The following ZNF462 variants were observed in gnomAD, a reference collection of about 807,000 sequenced individuals.
The protein encoded by ZNF462 is zinc finger protein 462.
A neutral mutation model predicts 201.9 loss-of-function variants in ZNF462; 10 were observed. The ratio of observed to expected loss-of-function variants is 0.05; its 90% CI spans 0.03 to 0.08. ZNF462 has a LOEUF of 0.08. Ranked by LOEUF, ZNF462 falls within the 10% of genes least tolerant of loss-of-function variation. ZNF462 has a pLI of 1.00. For synonymous variants in ZNF462, 1,227 were observed against 1,193.3 expected (o/e 1.03, Z -0.58); for missense variants, 2,523 against 3,168.3 (o/e 0.80, Z 4.89).
chr9:106,927,604 C>T lies in ZNF462; in HGVS notation c.3692C>T (p.Ala1231Val). 2 of 1,613,918 alleles carry T rather than the reference C, an allele frequency of 1.2e-6. No homozygotes were observed. The highest frequency in any genetic ancestry group is 1.1e-5 in the South Asian group (1 of 91,060). The change falls in exon 3 of 13, where the codon GCC (alanine) becomes GTC (valine). Residue 1231 changes from alanine (A) to valine (V), a missense_variant. Transcript: ENST00000277225. The part of the protein sequence containing the change: ...ANADVIRQHT[A>V]TIRSLCDRNQ... Reference sequence around the variant, plus strand: ...GCAGATGTGATCCGGCAGCATACGGCCACCATTCGAAGCCTCTGCGACCGA... The same window carrying T: ...GCAGATGTGATCCGGCAGCATACGGTCACCATTCGAAGCCTCTGCGACCGA...
rs759818332 is a variant in ZNF462 at position 106,962,039 on chromosome 9, G to A, written c.6428-9966G>A. On this transcript the variant is annotated intron_variant, in intron 7 of 12. Transcript: ENST00000277225. The surrounding 1 kb of genome is among the most constrained non-coding windows in gnomAD (Gnocchi z 4.6). ...GGCCTGGAAAGATGAAGGAGAGTGT[G>A]AGCCCCATGGTTCAGAGTTTGGGCT... Among the ~76,000 whole-genome samples, 4 of 151,982 alleles carry A rather than the reference G, an allele frequency of 2.6e-5. No homozygotes were observed. The highest frequency in any genetic ancestry group is 4.8e-5 in the African/African-American group (2 of 41,388).
intron 10 of ZNF462, among the ~76,000 whole-genome samples, chr9:106,992,201 A>C (rs1828338638): frequency 6.6e-6 from 1 of 152,126 alleles, no homozygotes; most frequent in African/African-American, 2.4e-5. Flanking sequence ...ACACCTTACC[A>C]AAGAAGATAT....
chr9:106,919,055 C>A lies in ZNF462; in HGVS notation c.-30-4299C>A, dbSNP rs1361941416. On this transcript the variant is annotated intron_variant, in intron 1 of 12. Transcript: ENST00000277225. The surrounding 1 kb of genome is among the most constrained non-coding windows in gnomAD (Gnocchi z 4.5). ...AATTAGTTGCTACTGAATCACATGG[C>A]TGTGGTGCTTCACAGCTTTATTTCT... Among the ~76,000 whole-genome samples, 4 of 152,252 alleles carry A rather than the reference C, an allele frequency of 2.6e-5. No homozygotes were observed. The highest frequency in any genetic ancestry group is 1.5e-5 in the Non-Finnish European group (1 of 68,040).
In ZNF462 at chr9:106,938,796, C is replaced by T. The variant is rs938996556; in HGVS notation, c.6236-120C>T. 9.1e-7 allele frequency: 1 copy of T among 1,095,796 alleles called. No individual in the cohort carries two copies. The highest frequency in any genetic ancestry group is 2.5e-5 in the East Asian group (1 of 39,968). The allele number at this position is 1,095,796 out of a possible 1,614,324, so 67.9% of individuals were successfully genotyped here. On this transcript the variant is annotated intron_variant, in intron 6 of 12. Transcript: ENST00000277225. The surrounding 1 kb of genome is among the most constrained non-coding windows in gnomAD (Gnocchi z 4.4). ...TGGTCTGTGAGGTTCGTTCATAGAA[C>T]ATGAAGCTTGAGATGCGCTTCTCTA...
Position 106,870,021 on chromosome 9 carries a change from C to T in ZNF462, c.-31+6666C>T, listed in dbSNP as rs1827518431. On this transcript the variant is annotated intron_variant, in intron 1 of 12. Transcript: ENST00000277225. This position sits in a 1 kb window ranked among gnomAD's most constrained non-coding sequence, Gnocchi z 4.3. ...TACATTTTGTGCTTGGAAATGCTATCATAAAATTTATCTTTTTTCTAAGTC... is the reference window on the plus strand; with the variant it reads ...TACATTTTGTGCTTGGAAATGCTATTATAAAATTTATCTTTTTTCTAAGTC... Among the ~76,000 whole-genome samples the T allele has an allele frequency of 2.0e-5, 3 of 152,236 alleles. No individual in the cohort carries two copies. In the South Asian group the frequency reaches 6.2e-4, roughly 32 times the overall value.
intron 8 of ZNF462, among the ~76,000 whole-genome samples, 198 bp from the exon 9 acceptor site, chr9:106,973,939 T>G (rs1826786296): frequency 6.6e-6 from 1 of 152,064 alleles, no homozygotes; most frequent in Admixed American, 6.6e-5. Flanking sequence ...AAGAAGTTAC[T>G]ACCATTTGAC....
At chr9:106,967,667 C>G (rs575613533) in intron 7 of ZNF462, among the ~76,000 whole-genome samples, 1 of 152,212 alleles carries the variant, frequency 6.6e-6, no homozygotes, top group South Asian at 2.1e-4. Context: ...TTTTCCCAGC[C>G]AAACCCCACT....
chr9:107,004,054 T>C (rs1206303529), intron 11 of ZNF462, among the ~76,000 whole-genome samples: 1 of 152,218 alleles, frequency 6.6e-6, no homozygotes, highest in East Asian at 1.9e-4. Flanking sequence ...TCTATAATTA[T>C]TTCAAAATGA....
At chr9:106,866,406 G>C (rs1034791517) in intron 1 of ZNF462, among the ~76,000 whole-genome samples, 1 of 152,150 alleles carries the variant, frequency 6.6e-6, no homozygotes, top group Admixed American at 6.5e-5. Flanking sequence ...AAACCAAACT[G>C]TTGTGTCATT....
chr9:106,892,480 C>G (rs2131066414), intron 1 of ZNF462, among the ~76,000 whole-genome samples: 1 of 152,150 alleles, frequency 6.6e-6, no homozygotes, highest in South Asian at 2.1e-4. Context: ...ATTTCCATGG[C>G]TCATCTAAGA....
intron 1 of ZNF462, among the ~76,000 whole-genome samples, chr9:106,869,998 C>A (rs1398256832): frequency 6.6e-6 from 1 of 152,104 alleles, no homozygotes; most frequent in Non-Finnish European, 1.5e-5. Context: ...TTTGGATTTA[C>A]ATTTTGTGCT....
rs1829889173 is a variant in ZNF462, at chr9:106,919,091, CCT to C, written c.-30-4262_-30-4261del. Among the ~76,000 whole-genome samples, 1 of 152,336 alleles carries C rather than the reference CCT, an allele frequency of 6.6e-6. No individual in the cohort carries two copies. ...CACAGCTTTATTTCTGGGCTGCAGT[CCT>C]TCAGTCAGAGAACAGGTTAGATCCA... On this transcript the variant is annotated intron_variant, in intron 1 of 12. Coordinates refer to ENST00000277225, the MANE Select transcript of ZNF462 (RefSeq NM_021224.6). This position sits in a 1 kb window ranked among gnomAD's most constrained non-coding sequence, Gnocchi z 4.5.
In ZNF462 at chr9:106,984,287, G is replaced by A; in HGVS notation, c.6934G>A (p.Asp2312Asn). 6.2e-7 allele frequency: 1 copy of A among 1,614,120 alleles called. No individual in the cohort carries two copies. Among genetic ancestry groups the A allele is most frequent in the Non-Finnish European group, 8.5e-7 (1 of 1,179,994 alleles). Residue 2312 changes from aspartate to asparagine, a missense_variant, in exon 10 of 13, where the codon GAT becomes AAT. By Grantham distance (23) the Asp-to-Asn change is conservative (BLOSUM62 1). Around this residue, in one of 15 missense-constraint regions of ZNF462, gnomAD observed 228 missense variants for 361.2 expected, o/e 0.63. Coordinates refer to ENST00000277225, the MANE Select transcript of ZNF462 (RefSeq NM_021224.6). The surrounding 1 kb of genome is among the most constrained non-coding windows in gnomAD (Gnocchi z 6.4). Reference protein sequence around the residue: ...CDKCTFTCSSDESLQQHIEKH... With the variant: ...CDKCTFTCSSNESLQQHIEKH... ...TAAGTGTACCTTCACCTGCTCCAGT[G>A]ATGAGAGCCTCCAGCAACATATAGA...
rs1161853450 is a variant in ZNF462 at position 106,895,554 on chromosome 9, A to G, written c.-30-27800A>G. 6.6e-6 allele frequency among the ~76,000 whole-genome samples: 1 copy of G among 152,178 alleles called. No homozygotes were observed. The highest frequency in any genetic ancestry group is 1.5e-5 in the Non-Finnish European group (1 of 68,036). On this transcript the variant is annotated intron_variant, in intron 1 of 12. Coordinates refer to ENST00000277225, the MANE Select transcript of ZNF462 (RefSeq NM_021224.6). This position sits in a 1 kb window ranked among gnomAD's most constrained non-coding sequence, Gnocchi z 4.4. Reference sequence around the variant, plus strand: ...TTATATCACATTGCCCTGATTAAGGATGATAAGAGATCCCTGTTTCTGTCC... The same window carrying G: ...TTATATCACATTGCCCTGATTAAGGGTGATAAGAGATCCCTGTTTCTGTCC...
chr9:106,996,301 C>T (rs1184962116), intron 10 of ZNF462, among the ~76,000 whole-genome samples: 1 of 152,154 alleles, frequency 6.6e-6, no homozygotes, highest in African/African-American at 2.4e-5. Context: ...TTTATAGCAG[C>T]ATGATTTGTA....
rs1328721583 is a variant in ZNF462 at position 106,938,738 on chromosome 9, C to T, written c.6236-178C>T. Among the ~76,000 whole-genome samples, 2 of 152,210 alleles carry T rather than the reference C, an allele frequency of 1.3e-5. No individual in the cohort carries two copies. Among genetic ancestry groups the T allele is most frequent in the African/African-American group, 2.4e-5 (1 of 41,450 alleles). On this transcript the variant is annotated intron_variant, in intron 6 of 12. Coordinates refer to ENST00000277225, the MANE Select transcript of ZNF462 (RefSeq NM_021224.6). This position sits in a 1 kb window ranked among gnomAD's most constrained non-coding sequence, Gnocchi z 4.4. ...TCTGGAGCTCATGGAAGAGTTTCAA[C>T]TCCAAAGGAGTACTGTGGTTGTGGC... is the stretch of plus-strand genomic sequence containing the variant.
At chr9:106,996,918 A>T (rs1463250228) in intron 10 of ZNF462, among the ~76,000 whole-genome samples, 1 of 152,198 alleles carries the variant, frequency 6.6e-6, no homozygotes, top group African/African-American at 2.4e-5. Flanking sequence ...CTACCCTGGA[A>T]GAGTTTATAA....
chr9:106,941,861 G>A (rs974845402), intron 7 of ZNF462, among the ~76,000 whole-genome samples: 4 of 152,228 alleles, frequency 2.6e-5, no homozygotes, highest in Non-Finnish European at 5.9e-5. Context: ...GGAGCCGGAT[G>A]GTGGATTCCT....
chr9:106,939,035 A>C lies in ZNF462; in HGVS notation c.6355A>C (p.Ser2119Arg). The C allele has an allele frequency of 6.2e-7, 1 of 1,613,970 alleles. No individual in the cohort carries two copies. The highest frequency in any genetic ancestry group is 2.2e-5 in the East Asian group (1 of 44,866). ...GACCCTCCCCAGGCCACGGATCGTC[A>C]GTCTCCTCTCCTCACACTCCCACCA... ...ALTLPRPRIV[S>R]LLSSHSHHSS... is the part of the protein sequence containing the mutation. The change falls in exon 7 of 13, where the codon AGT becomes CGT. Residue 2119 changes from serine (S) to arginine (R), a missense_variant. Ser to Arg is a moderately radical substitution (Grantham distance 110). This residue lies in a region of ZNF462 where 138 missense variants were observed against 146.3 expected (regional missense o/e 0.94). Transcript: ENST00000277225.
Sources: gnomAD v4.1 joint callset for allele counts (sites outside exome capture counted in the v4.1 genomes callset) on GRCh38, gnomAD v4.1.1 for gene constraint, gnomAD v4.1.1 regional missense constraint, Gnocchi (gnomAD v3.1) non-coding constraint, MANE v1.5 for transcripts, NCBI Gene and HGNC (gene_info 2026-07-23, HGNC 2026-07-21) for gene names.